UBE2G1: variants seen among roughly 807,000 people sequenced by gnomAD.
UBE2G1 encodes the protein ubiquitin conjugating enzyme E2 G1.
Under a neutral mutation model 22.7 loss-of-function variants are expected in UBE2G1, and 5 were observed. The ratio of observed to expected loss-of-function variants is 0.22; its 90% CI spans 0.12 to 0.46. The LOEUF (loss-of-function observed/expected upper bound fraction) is 0.46. Among genes scored for constraint, UBE2G1 ranks in the 20% least tolerant of loss-of-function variants. The pLI, the probability that UBE2G1 is intolerant of heterozygous loss-of-function variation, is 0.99. For missense variants in UBE2G1, 88 were observed against 203.9 expected, an observed-to-expected ratio of 0.43 and a Z score of 3.46; for synonymous variants, 74 against 67.5, an observed-to-expected ratio of 1.10 and a Z score of -0.47.
rs959788481 is a variant in UBE2G1, at chr17:4,366,610, A to G, written c.-294T>C. On this transcript the variant is annotated 5_prime_UTR_variant, in exon 1 of 6. Transcript: ENST00000396981. ...CTCCTTCAACCCGCCCGTCGGCCCC[A>G]CCGGTGCCTTCCCCCGCCACTGCCT... is the stretch of plus-strand genomic sequence containing the variant. The G allele has an allele frequency of 3.1e-6, 1 of 321,676 alleles. No homozygotes were observed. The highest frequency in any genetic ancestry group is 2.2e-5 in the African/African-American group (1 of 46,094). 19.9% of individuals were successfully genotyped at this position (321,676 alleles called of 1,614,324 possible). A position where few individuals can be genotyped will look rare whatever the true frequency, so the allele number is the denominator to read the frequency against.
At chr17:4,278,687 T>A (rs1245064583) in intron 5 of UBE2G1, among the ~76,000 whole-genome samples, 2 of 152,230 alleles carry the variant, frequency 1.3e-5, no homozygotes, top group Non-Finnish European at 2.9e-5. Context: ...AATGATTGGT[T>A]TAGGTACTTA....
rs78638051 is a variant in UBE2G1, at chr17:4,271,149, G to A, written c.*1405C>T. On this transcript the variant is annotated 3_prime_UTR_variant, in exon 6 of 6. Transcript: ENST00000396981. Reference sequence around the variant, plus strand: ...CTGAAGTTGTTTTAGAAAACTGTATGATATGAAATATATTGAAGCTCAAAC... The same window carrying A: ...CTGAAGTTGTTTTAGAAAACTGTATAATATGAAATATATTGAAGCTCAAAC... The A allele has an allele frequency of 6.6e-6, 1 of 152,378 alleles. No individual in the cohort carries two copies. Among genetic ancestry groups the A allele is most frequent in the East Asian group, 1.9e-4 (1 of 5,190 alleles). 9.4% of individuals were successfully genotyped at this position (152,378 alleles called of 1,614,324 possible). A position where few individuals can be genotyped will look rare whatever the true frequency, so the allele number is the denominator to read the frequency against.
chr17:4,316,671 G>A (rs1034831272), intron 1 of UBE2G1, among the ~76,000 whole-genome samples: 7 of 151,940 alleles, frequency 4.6e-5, no homozygotes, highest in African/African-American at 7.2e-5. Flanking sequence ...ACGGGCTACC[G>A]GCTAGCTGAT....
At chr17:4,282,221 T>TA (rs1968901962) in intron 5 of UBE2G1, among the ~76,000 whole-genome samples, 1 of 152,188 alleles carries the variant, frequency 6.6e-6, no homozygotes, top group African/African-American at 2.4e-5. Flanking sequence ...TAGCTGGGAT[T>TA]ACAGGCACAC....
rs367999267 is a variant in UBE2G1 at position 4,346,878 on chromosome 17, C to T, written c.46+19393G>A. Reference sequence around the variant, plus strand: ...TGATATAATGTAGCACAGGATCAGACGCGGTGGCTCATGCCTGTAATCCCA... The same window carrying T: ...TGATATAATGTAGCACAGGATCAGATGCGGTGGCTCATGCCTGTAATCCCA... On this transcript the variant is annotated intron_variant, in intron 1 of 5. Coordinates refer to ENST00000396981, the MANE Select transcript of UBE2G1 (RefSeq NM_003342.5). 7.2e-5 allele frequency among the ~76,000 whole-genome samples: 11 copies of T among 152,036 alleles called. No homozygotes were observed. In the East Asian group the frequency reaches 1.4e-3, roughly 19 times the overall value.
intron 1 of UBE2G1, among the ~76,000 whole-genome samples, chr17:4,323,711 A>G (rs982294140): frequency 1.3e-5 from 2 of 152,064 alleles, no homozygotes; most frequent in African/African-American, 2.4e-5. Flanking sequence ...ACCATGCCCA[A>G]TTCATTTTTA....
At chr17:4,342,445 TAGTC>T (rs1177263577) in intron 1 of UBE2G1, among the ~76,000 whole-genome samples, 1 of 152,118 alleles carries the variant, frequency 6.6e-6, no homozygotes, top group African/African-American at 2.4e-5. Context: ...TGTTAAACAT[TAGTC>T]AGGCGCAGTG....
Position 4,303,832 on chromosome 17 carries a change from T to G in UBE2G1, c.149+3189A>C, listed in dbSNP as rs1016635171. Reference sequence around the variant, plus strand: ...AGGCAATACTACAAAACACATAATCTTAAGATTCTCCAGATTTTTCATATC... The same window carrying G: ...AGGCAATACTACAAAACACATAATCGTAAGATTCTCCAGATTTTTCATATC... On this transcript the variant is annotated intron_variant, in intron 2 of 5. Coordinates refer to ENST00000396981, the MANE Select transcript of UBE2G1 (RefSeq NM_003342.5). Among the ~76,000 whole-genome samples the G allele has an allele frequency of 3.9e-5, 6 of 152,274 alleles. No homozygotes were observed. The South Asian group carries it at 8.3e-4, about 21-fold the overall frequency.
intron 1 of UBE2G1, among the ~76,000 whole-genome samples, chr17:4,342,125 A>G (rs1033858739): frequency 6.6e-6 from 1 of 152,364 alleles, no homozygotes; most frequent in Non-Finnish European, 1.5e-5. Flanking sequence ...GATCAAATAT[A>G]GTAAGCTGCC....
intron 1 of UBE2G1, among the ~76,000 whole-genome samples, chr17:4,321,589 C>A (rs929372076): frequency 6.6e-6 from 1 of 152,104 alleles, no homozygotes; most frequent in Admixed American, 6.6e-5. Flanking sequence ...GCCTCCTGGG[C>A]TCAAGCAATC....
At position 4,355,656 on chromosome 17, in the gene UBE2G1, A is replaced by T. The variant is rs562491773; in HGVS notation, c.46+10615T>A. ...AAACTCCATCTCAAAAAAAAAAAAGAAAAAAAAAATTCATTTACTACTGGC... is the reference window on the plus strand; with the variant it reads ...AAACTCCATCTCAAAAAAAAAAAAGTAAAAAAAAATTCATTTACTACTGGC... On this transcript the variant is annotated intron_variant, in intron 1 of 5. Coordinates refer to ENST00000396981, the MANE Select transcript of UBE2G1 (RefSeq NM_003342.5). Among the ~76,000 whole-genome samples, 683 of 145,292 alleles carry T rather than the reference A, an allele frequency of 4.7e-3. 1 individual carries two copies. The highest frequency in any genetic ancestry group is 7.2e-3 in the Middle Eastern group (2 of 276).
intron 1 of UBE2G1, among the ~76,000 whole-genome samples, chr17:4,333,804 G>A (rs1305097196): frequency 1.3e-5 from 2 of 152,004 alleles, no homozygotes; most frequent in Non-Finnish European, 2.9e-5. Flanking sequence ...GGGTGACACA[G>A]TGAGACTCCG....
rs185257784 is a variant in UBE2G1, at chr17:4,345,442, T to G, written c.46+20829A>C. Among the ~76,000 whole-genome samples, 885 of 152,346 alleles carry G rather than the reference T, an allele frequency of 5.8e-3. 6 individuals are homozygous for G. The highest frequency in any genetic ancestry group is 0.02 in the African/African-American group (852 of 41,592). Reference sequence around the variant, plus strand: ...TATAATTTACTCTGAAAGGCACTTTTAAAAATTCAATTCCTGGCTTATTTC... The same window carrying G: ...TATAATTTACTCTGAAAGGCACTTTGAAAAATTCAATTCCTGGCTTATTTC... On this transcript the variant is annotated intron_variant, in intron 1 of 5. Transcript: ENST00000396981.
At chr17:4,312,566 G>T (rs1262308581) in intron 1 of UBE2G1, among the ~76,000 whole-genome samples, 1 of 151,662 alleles carries the variant, frequency 6.6e-6, no homozygotes. Context: ...CGTGGTGGCG[G>T]GCACCTGTAG....
chr17:4,347,469 C>CTTTT (rs34014821), intron 1 of UBE2G1, among the ~76,000 whole-genome samples: 14,122 of 89,108 alleles, frequency 0.16, 1,398 homozygotes, highest in African/African-American at 0.23. Context: ...AGTATTTCTT[C>CTTTT]TTTTTTTTTT....
intron 1 of UBE2G1, among the ~76,000 whole-genome samples, chr17:4,308,450 G>A (rs556795378): frequency 2.6e-5 from 4 of 151,286 alleles, no homozygotes; most frequent in Admixed American, 1.3e-4. Flanking sequence ...GCTTGAACCC[G>A]GGAGGCAAAT....
intron 5 of UBE2G1, among the ~76,000 whole-genome samples, chr17:4,279,496 C>A (rs1048388093): frequency 2.0e-5 from 3 of 152,008 alleles, no homozygotes; most frequent in African/African-American, 7.3e-5. Flanking sequence ...GGATTCAACA[C>A]AAATATGAAA....
At chr17:4,298,603 A>G (rs1440339747) in intron 2 of UBE2G1, among the ~76,000 whole-genome samples, 1 of 152,236 alleles carries the variant, frequency 6.6e-6, no homozygotes, top group Non-Finnish European at 1.5e-5. Context: ...AGGAAATGCC[A>G]CAGGACTCAG....
chr17:4,357,057 T>C (rs933363675), intron 1 of UBE2G1, among the ~76,000 whole-genome samples: 2 of 151,740 alleles, frequency 1.3e-5, no homozygotes, highest in African/African-American at 4.8e-5. Context: ...TACTTTATAG[T>C]CCCCCCACCC....
Sources: allele counts gnomAD v4.1 joint callset (sites outside exome capture counted in the v4.1 genomes callset), GRCh38; gene constraint gnomAD v4.1.1; transcripts MANE v1.5; gene names NCBI Gene and HGNC (gene_info 2026-07-23, HGNC 2026-07-21).